Variants in ZNF578 observed in about 807,000 individuals in gnomAD.
ZNF578 encodes Putative chemokine-related protein B42.
A neutral mutation model predicts 8.3 loss-of-function variants in ZNF578; 8 were observed. That is an observed-to-expected ratio of 0.96 (90% CI 0.56 to 1.74). The LOEUF (loss-of-function observed/expected upper bound fraction) is 1.74, where lower values mean the gene tolerates loss of function less well. ZNF578 is among the 40% of genes most tolerant of loss of function. The probability of loss-of-function intolerance (pLI) is 0.00; values close to 1 mark genes in which losing one functional copy is unlikely to be tolerated. For missense variants in ZNF578, 726 were observed against 707.5 expected, an observed-to-expected ratio of 1.03 and a Z score of -0.30; for synonymous variants, 206 against 232.2, an observed-to-expected ratio of 0.89 and a Z score of 1.03.
chr19:52,478,450 G>A (rs955398636), intron 2 of ZNF578, among the ~76,000 whole-genome samples: 3 of 152,272 alleles, frequency 2.0e-5, no homozygotes, highest in South Asian at 2.1e-4. Context: ...TTCTGCTACC[G>A]AAGGAGGCGG....
chr19:52,472,216 A>C (rs2059294177), intron 2 of ZNF578, among the ~76,000 whole-genome samples: 1 of 152,088 alleles, frequency 6.6e-6, no homozygotes, highest in Non-Finnish European at 1.5e-5. Flanking sequence ...CATGGTGAGA[A>C]CCCTAATGGT....
intron 4 of ZNF578, 118 bp from the exon 5 acceptor site, chr19:52,504,537 G>A: frequency 6.5e-7 from 1 of 1,550,070 alleles, no homozygotes; most frequent in Non-Finnish European, 8.7e-7. Flanking sequence ...CCTTAACGTG[G>A]TTTTGTCACA....
At chr19:52,502,197 C>T (rs1230097997) in intron 4 of ZNF578, among the ~76,000 whole-genome samples, 3 of 152,100 alleles carry the variant, frequency 2.0e-5, no homozygotes, top group South Asian at 2.1e-4. Flanking sequence ...GGTGTGGGCC[C>T]GTTGATGTCA....
intron 2 of ZNF578, chr19:52,458,926 T>A (rs1325049916): frequency 6.6e-6 from 1 of 152,196 alleles, no homozygotes; most frequent in East Asian, 1.9e-4. Context: ...AAGAGGTTCT[T>A]ACATATTTGG....
Position 52,510,901 on chromosome 19 carries a change from G to A in ZNF578, c.520G>A (p.Glu174Lys), listed in dbSNP as rs959054479. 1 of 1,614,044 alleles carries A rather than the reference G, an allele frequency of 6.2e-7. No individual in the cohort carries two copies. The highest frequency in any genetic ancestry group is 8.5e-7 in the Non-Finnish European group (1 of 1,180,040). Residue 174 changes from glutamate (E) to lysine (K), a missense_variant, in exon 6 of 6, where the codon GAG (glutamate) becomes AAG (lysine). Coordinates refer to ENST00000421239, the MANE Select transcript of ZNF578 (RefSeq NM_001099694.2). ...LPELHIFQPE[E>K]KIANQVEKSV... ...TGAACTCCACATATTTCAGCCCGAA[G>A]AGAAAATTGCTAATCAAGTGGAGAA...
At chr19:52,504,879 G>T in intron 5 of ZNF578, 98 bp downstream of exon 5, 1 of 1,534,218 alleles carries the variant, frequency 6.5e-7, no homozygotes, top group Non-Finnish European at 8.6e-7. Context: ...CCCATACGTG[G>T]TTTTTTTGTT....
At position 52,515,945 on chromosome 19, in the gene ZNF578, G is replaced by T. The variant is rs189327930; in HGVS notation, c.*3791G>T. On this transcript the variant is annotated 3_prime_UTR_variant, in exon 6 of 6. Coordinates refer to ENST00000421239, the MANE Select transcript of ZNF578 (RefSeq NM_001099694.2). ...GCAGGGAACCCTCCACCGGCTTCCC[G>T]TGTTCCCCAGGACAAAAGCCCAACC... 2.8e-3 allele frequency among the ~76,000 whole-genome samples: 433 copies of T among 152,162 alleles called. No homozygotes were observed. The highest frequency in any genetic ancestry group is 4.1e-3 in the Admixed American group (63 of 15,292).
chr19:52,455,726 C>T (rs1312216192), intron 1 of ZNF578: 2 of 152,186 alleles, frequency 1.3e-5, no homozygotes, highest in African/African-American at 4.8e-5. Flanking sequence ...TGACCCCATA[C>T]TTCTGGGAGC....
At chr19:52,492,279 T>TGGCC (rs1844589420) in intron 3 of ZNF578, among the ~76,000 whole-genome samples, 3 of 151,724 alleles carry the variant, frequency 2.0e-5, no homozygotes, top group Non-Finnish European at 4.4e-5. Context: ...AGCGATTCTC[T>TGGCC]GGCCGCTGCT....
rs1047778938 is a variant in ZNF578 at position 52,512,529 on chromosome 19, C to T, written c.*375C>T. ...AACCTTACAAATGTCATGACTGTGG[C>T]AAGGTCTTCAGTCAAGCTTCATCCT... On this transcript the variant is annotated 3_prime_UTR_variant, in exon 6 of 6. Transcript: ENST00000421239. Among the ~76,000 whole-genome samples, 1 of 152,158 alleles carries T rather than the reference C, an allele frequency of 6.6e-6. No individual in the cohort carries two copies. The highest frequency in any genetic ancestry group is 1.5e-5 in the Non-Finnish European group (1 of 68,042).
chr19:52,467,537 G>C (rs943513430), intron 2 of ZNF578, among the ~76,000 whole-genome samples: 6 of 152,052 alleles, frequency 3.9e-5, no homozygotes, highest in African/African-American at 1.4e-4. Flanking sequence ...GATCACTTGA[G>C]GGCAGTCAGT....
intron 2 of ZNF578, among the ~76,000 whole-genome samples, chr19:52,484,096 A>G (rs1224207724): frequency 1.6e-4 from 24 of 152,230 alleles, no homozygotes; most frequent in Admixed American, 1.6e-3. Context: ...TAGAGAGGTC[A>G]GCAGGAAAAC....
rs376231150 is a variant in ZNF578, at chr19:52,515,592, T to C, written c.*3438T>C. On this transcript the variant is annotated 3_prime_UTR_variant, in exon 6 of 6. Coordinates refer to ENST00000421239, the MANE Select transcript of ZNF578 (RefSeq NM_001099694.2). ...TCATCTCAGACCTTCTCAGGGTAAC[T>C]TGGTGAAAATGTCTTCCGATCTGAG... Among the ~76,000 whole-genome samples, 1 of 152,092 alleles carries C rather than the reference T, an allele frequency of 6.6e-6. No homozygotes were observed. Among genetic ancestry groups the C allele is most frequent in the African/African-American group, 2.4e-5 (1 of 41,418 alleles).
rs140934811 is a variant in ZNF578 at position 52,485,695 on chromosome 19, G to A, written c.-121-5629G>A. Among the ~76,000 whole-genome samples, 499 of 152,334 alleles carry A rather than the reference G, an allele frequency of 3.3e-3. 5 individuals carry two copies. The highest frequency in any genetic ancestry group is 0.01 in the African/African-American group (421 of 41,574). On this transcript the variant is annotated intron_variant, in intron 2 of 5. Coordinates refer to ENST00000421239, the MANE Select transcript of ZNF578 (RefSeq NM_001099694.2). ...CCCAACCCTGTGCTCCCAGAAATGT[G>A]CTGTGTTGACTCAAGGTTTAATGGA...
intron 2 of ZNF578, among the ~76,000 whole-genome samples, chr19:52,460,098 A>G (rs948646222): frequency 6.6e-6 from 1 of 151,660 alleles, no homozygotes; most frequent in South Asian, 2.1e-4. Context: ...GTGTGTGTGT[A>G]TATACACACA....
chr19:52,484,403 G>A (rs1482976151), intron 2 of ZNF578, among the ~76,000 whole-genome samples: 1 of 152,110 alleles, frequency 6.6e-6, no homozygotes, highest in Non-Finnish European at 1.5e-5. Context: ...CCCTTTACGG[G>A]TGTCGGGCTA....
At chr19:52,462,562 C>T (rs2059262154) in intron 2 of ZNF578, among the ~76,000 whole-genome samples, 1 of 152,188 alleles carries the variant, frequency 6.6e-6, no homozygotes, top group African/African-American at 2.4e-5. Context: ...ATAGCAATTA[C>T]CGCAATCATA....
chr19:52,510,265 T>A (rs2059439776), intron 5 of ZNF578, among the ~76,000 whole-genome samples: 1 of 152,172 alleles, frequency 6.6e-6, no homozygotes, highest in African/African-American at 2.4e-5. Context: ...AGTGATATGT[T>A]TTTTGCAAAC....
chr19:52,462,862 C>T (rs960259536), intron 2 of ZNF578, among the ~76,000 whole-genome samples: 8 of 152,306 alleles, frequency 5.3e-5, no homozygotes, highest in African/African-American at 1.9e-4. Flanking sequence ...TACAAGCAAA[C>T]CCTCTTCCCC....
Sources: gnomAD v4.1 joint callset for allele counts (sites outside exome capture counted in the v4.1 genomes callset) on GRCh38, gnomAD v4.1.1 for gene constraint, MANE v1.5 for transcripts, NCBI Gene and HGNC (gene_info 2026-07-23, HGNC 2026-07-21) for gene names.